The following FER variants were observed in gnomAD, a reference collection of about 807,000 sequenced individuals.
The protein encoded by FER is tyrosine-protein kinase Fer.
FER carries 63 observed loss-of-function variants against 111.0 expected under a neutral mutation model. The observed-to-expected ratio is 0.57, with a 90% CI of 0.46 to 0.70. FER has a LOEUF of 0.70. Among genes scored for constraint, FER ranks in the 30% least tolerant of loss-of-function variants. The pLI is 0.00. For synonymous variants in FER, 327 were observed against 313.9 expected (o/e 1.04, Z -0.44); for missense variants, 914 against 954.0 (o/e 0.96, Z 0.55).
At chr5:109,077,437 C>G (rs1776471562) in intron 16 of FER, among the ~76,000 whole-genome samples, 1 of 152,046 alleles carries the variant, frequency 6.6e-6, no homozygotes, top group Non-Finnish European at 1.5e-5. Flanking sequence ...TTTCTACATT[C>G]AGAATCATCT....
chr5:108,893,256 G>A (rs1368671951), intron 9 of FER, among the ~76,000 whole-genome samples: 1 of 151,796 alleles, frequency 6.6e-6, no homozygotes. Context: ...AATTACTTTG[G>A]GCAGTATGGC....
At chr5:108,981,397 G>A (rs183217388) in intron 13 of FER, among the ~76,000 whole-genome samples, 1 of 152,022 alleles carries the variant, frequency 6.6e-6, no homozygotes, top group East Asian at 1.9e-4. Flanking sequence ...ACATATTTAA[G>A]GAGGGTATAA....
intron 16 of FER, among the ~76,000 whole-genome samples, chr5:109,049,483 A>T (rs897343447): frequency 3.9e-5 from 6 of 152,140 alleles, no homozygotes; most frequent in Admixed American, 1.3e-4. Context: ...TCTATCTTCA[A>T]AGTCAGCACG....
At chr5:108,802,138 G>A (rs951689008) in intron 3 of FER, among the ~76,000 whole-genome samples, 1 of 151,970 alleles carries the variant, frequency 6.6e-6, no homozygotes, top group African/African-American at 2.4e-5. Context: ...GGGTACTACT[G>A]AACTTATTTT....
intron 16 of FER, among the ~76,000 whole-genome samples, chr5:109,061,686 G>A (rs999508986): frequency 5.9e-5 from 9 of 152,098 alleles, no homozygotes; most frequent in African/African-American, 7.2e-5. Flanking sequence ...TAAATAGCTC[G>A]TTTCAGTAAA....
chr5:109,031,771 A>G (rs1324695786), intron 13 of FER, among the ~76,000 whole-genome samples: 1 of 152,192 alleles, frequency 6.6e-6, no homozygotes, highest in Non-Finnish European at 1.5e-5. Context: ...CTTATCTCAA[A>G]TACTACCTGT....
At chr5:109,162,526 C>T (rs892975871) in intron 17 of FER, among the ~76,000 whole-genome samples, 6 of 152,010 alleles carry the variant, frequency 3.9e-5, no homozygotes, top group African/African-American at 1.4e-4. Flanking sequence ...AAATACGGTC[C>T]ACAAGGGTGC....
chr5:109,127,194 A>T (rs1017432644), intron 17 of FER, among the ~76,000 whole-genome samples: 1 of 152,192 alleles, frequency 6.6e-6, no homozygotes, highest in African/African-American at 2.4e-5. Context: ...GGGCTTTGTC[A>T]TATATCTGTA....
intron 3 of FER, among the ~76,000 whole-genome samples, chr5:108,826,357 A>T (rs1316662581): frequency 6.6e-6 from 1 of 152,046 alleles, no homozygotes; most frequent in Non-Finnish European, 1.5e-5. Context: ...TATATTGAGG[A>T]TTTTTACATC....
At chr5:108,981,351 T>A (rs888832723) in intron 13 of FER, among the ~76,000 whole-genome samples, 2 of 151,996 alleles carry the variant, frequency 1.3e-5, no homozygotes, top group Non-Finnish European at 2.9e-5. Flanking sequence ...AGTGAGGGGA[T>A]GTTGAAACTG....
intron 17 of FER, among the ~76,000 whole-genome samples, chr5:109,108,168 A>G (rs890524956): frequency 2.3e-4 from 35 of 152,062 alleles, no homozygotes; most frequent in African/African-American, 7.7e-4. Flanking sequence ...ATTTAACCTT[A>G]TATTTCTATG....
chr5:109,161,476 A>G (rs552928982), intron 17 of FER, among the ~76,000 whole-genome samples: 1 of 152,070 alleles, frequency 6.6e-6, no homozygotes, highest in African/African-American at 2.4e-5. Flanking sequence ...ATGTGTTCTC[A>G]TCGTTTAGCT....
Position 109,196,691 on chromosome 5 carries a change from T to A in FER, c.*9116T>A, listed in dbSNP as rs1484052715. 1 of 152,196 alleles carries A rather than the reference T, an allele frequency of 6.6e-6. No homozygotes were observed. Among genetic ancestry groups the A allele is most frequent in the Non-Finnish European group, 1.5e-5 (1 of 68,034 alleles). 9.4% of individuals were successfully genotyped at this position (152,196 alleles called of 1,614,324 possible). ...AACATTGTAGGATATTTTTTAATTGTTTCTACATTTTTAAAGCATGATTCA... is the reference window on the plus strand; with the variant it reads ...AACATTGTAGGATATTTTTTAATTGATTCTACATTTTTAAAGCATGATTCA... On this transcript the variant is annotated 3_prime_UTR_variant, in exon 20 of 20. Transcript: ENST00000281092.
chr5:108,873,781 A>G (rs1045713340), intron 8 of FER, among the ~76,000 whole-genome samples: 1 of 152,208 alleles, frequency 6.6e-6, no homozygotes, highest in Admixed American at 6.5e-5. Flanking sequence ...ATCTGAAGAC[A>G]TTAGCCGTAG....
intron 5 of FER, among the ~76,000 whole-genome samples, chr5:108,863,312 GGTTTCACT>G (rs952867045): frequency 1.3e-5 from 2 of 152,044 alleles, no homozygotes; most frequent in Non-Finnish European, 2.9e-5. Context: ...GTAGAGATGG[GGTTTCACT>G]GTGTTGGCCA....
In FER at chr5:109,026,606, AAT is replaced by A. The variant is rs1229483014; in HGVS notation, c.1657-10814_1657-10813del. Among the ~76,000 whole-genome samples, 4 of 152,182 alleles carry A rather than the reference AAT, an allele frequency of 2.6e-5. No individual in the cohort carries two copies. In the East Asian group the frequency reaches 7.7e-4, roughly 29 times the overall value. On this transcript the variant is annotated intron_variant, in intron 13 of 19. Coordinates refer to ENST00000281092, the MANE Select transcript of FER (RefSeq NM_005246.4). ...ACTGAAAAATTGTATATAAAAGAAAAATAGAGATAGCAAATATTTCTCAGTAT... is the reference window on the plus strand; with the variant it reads ...ACTGAAAAATTGTATATAAAAGAAAAAGAGATAGCAAATATTTCTCAGTAT...
intron 13 of FER, among the ~76,000 whole-genome samples, chr5:108,989,958 C>T (rs557987791): frequency 6.6e-6 from 1 of 151,884 alleles, no homozygotes; most frequent in South Asian, 2.1e-4. Flanking sequence ...TAGTCAGTCT[C>T]AGGTCAAGGA....
chr5:109,106,950 A>G (rs1293802839), intron 17 of FER, among the ~76,000 whole-genome samples: 2 of 152,186 alleles, frequency 1.3e-5, no homozygotes, highest in African/African-American at 2.4e-5. Context: ...TTAACTATTT[A>G]TGGTTACTGG....
chr5:108,896,415 A>G (rs1423082955), intron 9 of FER, among the ~76,000 whole-genome samples: 2 of 152,208 alleles, frequency 1.3e-5, no homozygotes, highest in African/African-American at 4.8e-5. Flanking sequence ...TTTAGAACAC[A>G]GATCACAGAC....
Sources: gnomAD v4.1 joint callset for allele counts (sites outside exome capture counted in the v4.1 genomes callset) on GRCh38, gnomAD v4.1.1 for gene constraint, MANE v1.5 for transcripts, NCBI Gene and HGNC (gene_info 2026-07-23, HGNC 2026-07-21) for gene names.